The following LMO7 variants were observed in gnomAD, a reference collection of about 807,000 sequenced individuals.
LMO7 encodes LIM domain 7, also known as LIM domain only protein 7.
In LMO7, 120 loss-of-function variants were observed where a neutral mutation model predicts 206.5. The observed-to-expected ratio is 0.58, with a 90% confidence interval of 0.50 to 0.68. The LOEUF is 0.68. Among genes scored for constraint, LMO7 ranks in the 30% least tolerant of loss-of-function variants. The pLI is 0.00. For synonymous variants in LMO7, 706 were observed against 681.5 expected (o/e 1.04, Z -0.56); for missense variants, 1,959 against 1,957.9 (o/e 1.00, Z -0.01).
chr13:75,809,352 C>T (rs946795689), intron 11 of LMO7, among the ~76,000 whole-genome samples, 169 bp downstream of exon 11: 5 of 152,124 alleles, frequency 3.3e-5, no homozygotes, highest in Non-Finnish European at 7.4e-5. Context: ...ATTTCTGTGT[C>T]TTGGTGCCCA....
At chr13:75,715,583 A>C (rs1433932351) in intron 2 of LMO7, among the ~76,000 whole-genome samples, 2 of 152,206 alleles carry the variant, frequency 1.3e-5, no homozygotes, top group African/African-American at 2.4e-5. Flanking sequence ...AGCAATTGTA[A>C]TTTACTGTGG....
At chr13:75,806,221 C>T (rs1279316648) in intron 9 of LMO7, 2 of 992,332 alleles carry the variant, frequency 2.0e-6, no homozygotes, top group Non-Finnish European at 2.4e-6. Flanking sequence ...ACCGGACTCC[C>T]ATGCAGCCAG....
intron 1 of LMO7, among the ~76,000 whole-genome samples, chr13:75,704,534 C>CT (rs2137955588): frequency 6.6e-6 from 1 of 152,250 alleles, no homozygotes; most frequent in East Asian, 1.9e-4. Context: ...CAATGTTTTT[C>CT]TTTTTGCACA....
chr13:75,804,413 A>G lies in LMO7; in HGVS notation c.786A>G (p.Leu262=). ...CTGCGTTACCCTTCAATCGTTTTTT[A>G]CCCAACAAAAGTAGACAGCCATCCT... is the stretch of plus-strand genomic sequence containing the variant. ...PKTALPFNRF[L]PNKSRQPSYV... The change falls in exon 8 of 31, where the codon TTA becomes TTG. Residue 262 remains leucine (L), a synonymous_variant. Transcript: ENST00000377534. 1 of 1,614,220 alleles carries G rather than the reference A, an allele frequency of 6.2e-7. No individual in the cohort carries two copies. Among genetic ancestry groups the G allele is most frequent in the Non-Finnish European group, 8.5e-7 (1 of 1,180,016 alleles).
chr13:75,831,755 A>C (rs1005571285), intron 15 of LMO7, among the ~76,000 whole-genome samples: 1 of 152,146 alleles, frequency 6.6e-6, no homozygotes, highest in African/African-American at 2.4e-5. Context: ...ATGAGACTGC[A>C]TTAATCCCTT....
intron 2 of LMO7, among the ~76,000 whole-genome samples, chr13:75,718,318 C>CT (rs987391539): frequency 2.6e-5 from 4 of 152,084 alleles, no homozygotes; most frequent in African/African-American, 9.7e-5. Context: ...ATATTGTGGC[C>CT]TTAAAGTTGA....
At chr13:75,673,345 C>T (rs191009388) in intron 1 of LMO7, among the ~76,000 whole-genome samples, 1 of 152,264 alleles carries the variant, frequency 6.6e-6, no homozygotes, top group African/African-American at 2.4e-5. Context: ...CCCAGACACC[C>T]TTGCTGCTTG....
intron 4 of LMO7, among the ~76,000 whole-genome samples, chr13:75,780,241 G>A (rs2051121787): frequency 6.6e-6 from 1 of 152,144 alleles, no homozygotes; most frequent in Non-Finnish European, 1.5e-5. Context: ...CGCCAGGCTG[G>A]AATTTCCCAA....
intron 3 of LMO7, among the ~76,000 whole-genome samples, chr13:75,758,043 A>G (rs565766207): frequency 6.6e-6 from 1 of 152,226 alleles, no homozygotes; most frequent in South Asian, 2.1e-4. Context: ...CAGATTCACA[A>G]ACTGCTCATT....
Position 75,834,225 on chromosome 13 carries a change from G to T in LMO7, c.3065-1G>T. 6.3e-7 allele frequency: 1 copy of T among 1,576,074 alleles called. No homozygotes were observed. Among genetic ancestry groups the T allele is most frequent in the South Asian group, 1.2e-5 (1 of 84,474 alleles). On this transcript the variant is annotated splice_acceptor_variant, in intron 16 of 30. Coordinates refer to ENST00000377534, the MANE Select transcript of LMO7 (RefSeq NM_001306080.2). LOFTEE classifies it high-confidence loss of function. ...TTGGTTAATTTATTTTGCATTTTTA[G>T]GTAGCCCAGCAGAATTTTCTCAGCT... is the stretch of plus-strand genomic sequence containing the variant.
At chr13:75,808,235 T>A in intron 10 of LMO7, 36 bp downstream of exon 10, 1 of 1,557,804 alleles carries the variant, frequency 6.4e-7, no homozygotes, top group African/African-American at 1.4e-5. Flanking sequence ...TTGCTTGTAA[T>A]GGATGGTCTT....
At chr13:75,719,715 A>C (rs182314271) in intron 2 of LMO7, among the ~76,000 whole-genome samples, 32 of 152,224 alleles carry the variant, frequency 2.1e-4, no homozygotes, top group African/African-American at 7.7e-4. Flanking sequence ...AAGCCTGTGG[A>C]ATTTTGAGTT....
chr13:75,838,045 T>G (rs1289203326), intron 19 of LMO7, 95 bp from the exon 20 acceptor site: 1 of 707,094 alleles, frequency 1.4e-6, no homozygotes, highest in Non-Finnish European at 2.4e-6. Context: ...AAAATAATAT[T>G]GCTACAGATT....
chr13:75,633,549 A>G (rs1317656099), upstream of LMO7, among the ~76,000 whole-genome samples: 2 of 152,194 alleles, frequency 1.3e-5, 1 homozygote, highest in Admixed American at 1.3e-4. Context: ...TGAAGACACC[A>G]CAAAGAAGCC....
At chr13:75,809,270 A>C in intron 11 of LMO7, 87 bp downstream of exon 11, 1 of 1,151,106 alleles carries the variant, frequency 8.7e-7, no homozygotes, top group Non-Finnish European at 1.3e-6. Flanking sequence ...GCATGTCACT[A>C]AATGGGGTTG....
At chr13:75,781,096 C>CTTTTTTTTTTTTT (rs367937964) in intron 4 of LMO7, among the ~76,000 whole-genome samples, 7 of 41,914 alleles carry the variant, frequency 1.7e-4, no homozygotes, top group African/African-American at 3.4e-4. Flanking sequence ...CTCTATTTTC[C>CTTTTTTTTTTTTT]TTTTTTTTTT....
chr13:75,779,256 A>G (rs1254349256), intron 4 of LMO7, among the ~76,000 whole-genome samples: 1 of 152,170 alleles, frequency 6.6e-6, no homozygotes, highest in Non-Finnish European at 1.5e-5. Flanking sequence ...TGACAGTGGC[A>G]TTCTAAAGGA....
chr13:75,815,770 A>G (rs1327827255), intron 11 of LMO7, among the ~76,000 whole-genome samples: 1 of 152,200 alleles, frequency 6.6e-6, no homozygotes, highest in Non-Finnish European at 1.5e-5. Context: ...AGAGATGGAA[A>G]GAAAGAGACA....
At chr13:75,835,402 G>A in intron 18 of LMO7, 63 bp downstream of exon 18, 2 of 1,012,954 alleles carry the variant, frequency 2.0e-6, no homozygotes, top group Non-Finnish European at 2.8e-6. Flanking sequence ...AATTGTGTAT[G>A]GAAGAAAATA....
Sources: gnomAD v4.1 joint callset for allele counts (sites outside exome capture counted in the v4.1 genomes callset) on GRCh38, gnomAD v4.1.1 for gene constraint, MANE v1.5 for transcripts, NCBI Gene and HGNC (gene_info 2026-07-23, HGNC 2026-07-21) for gene names.